Variants in ELP4 observed in about 807,000 individuals in gnomAD.
The protein encoded by ELP4 is elongator acetyltransferase complex subunit 4, also known as elongator complex protein 4.
In ELP4, 51 loss-of-function variants were observed where a neutral mutation model predicts 48.9. The ratio of observed to expected loss-of-function variants is 1.04; its 90% CI spans 0.83 to 1.32. The LOEUF (loss-of-function observed/expected upper bound fraction) is 1.32. Ranked by LOEUF, ELP4 falls within the 40% of genes most tolerant of loss-of-function variation. The pLI, the probability that ELP4 is intolerant of heterozygous loss-of-function variation, is 0.00. For missense variants in ELP4, 519 were observed against 514.6 expected (o/e 1.01, Z -0.08); for synonymous variants, 210 against 189.2 (o/e 1.11, Z -0.90).
At chr11:31,722,583 G>A (rs1223284899) in intron 9 of ELP4, among the ~76,000 whole-genome samples, 1 of 151,254 alleles carries the variant, frequency 6.6e-6, no homozygotes, top group African/African-American at 2.4e-5. Flanking sequence ...TGAAAATGTG[G>A]GTCCTGTGGT....
At chr11:31,737,900 A>G (rs906370793) in intron 9 of ELP4, among the ~76,000 whole-genome samples, 1 of 152,214 alleles carries the variant, frequency 6.6e-6, no homozygotes, top group African/African-American at 2.4e-5. Context: ...AAAAAATTAA[A>G]TAGAATTTAC....
intron 3 of ELP4, among the ~76,000 whole-genome samples, chr11:31,584,472 A>G (rs1189216544): frequency 1.3e-5 from 2 of 152,044 alleles, no homozygotes; most frequent in African/African-American, 4.8e-5. Context: ...AGAACCAAGA[A>G]TGTAAGATAA....
intron 3 of ELP4, among the ~76,000 whole-genome samples, chr11:31,574,604 A>G (rs6484508): frequency 0.39 from 59,146 of 152,090 alleles, 15,076 homozygotes; most frequent in African/African-American, 0.72. Context: ...GAAGGATCAG[A>G]CAGCAACATC....
At chr11:31,655,006 G>T (rs1326680678) in intron 9 of ELP4, among the ~76,000 whole-genome samples, 3 of 151,818 alleles carry the variant, frequency 2.0e-5, no homozygotes, top group Non-Finnish European at 4.4e-5. Flanking sequence ...ACTGCAGCTA[G>T]CAGAAAGAAA....
At chr11:31,514,230 G>A (rs969269838) in intron 1 of ELP4, among the ~76,000 whole-genome samples, 19 of 152,174 alleles carry the variant, frequency 1.2e-4, no homozygotes, top group African/African-American at 4.6e-4. Context: ...AAGCCAAGAT[G>A]GGTGGATTGC....
intron 9 of ELP4, among the ~76,000 whole-genome samples, chr11:31,776,374 C>G (rs567186151): frequency 1.3e-5 from 2 of 152,210 alleles, no homozygotes; most frequent in African/African-American, 4.8e-5. Flanking sequence ...CATAGCACTT[C>G]TGCTCCAGAT....
In ELP4 at chr11:31,603,802, A is replaced by G. The variant is rs771600237; in HGVS notation, c.548A>G (p.Tyr183Cys). 1.1e-5 allele frequency: 17 copies of G among 1,611,042 alleles called. No individual in the cohort carries two copies. The highest frequency in any genetic ancestry group is 1.1e-5 in the South Asian group (1 of 90,814). The change falls in exon 5 of 10, where the codon TAT (tyrosine) becomes TGT (cysteine). Residue 183 changes from tyrosine (Y) to cysteine (C), a missense_variant. Tyr to Cys is a radical substitution (Grantham distance 194). Transcript: ENST00000640961. ...GTATCATCTTCAAGATTTGGTCACTATTATGATGCATCAAAAAGAATGCCA... is the reference window on the plus strand; with the variant it reads ...GTATCATCTTCAAGATTTGGTCACTGTTATGATGCATCAAAAAGAATGCCA... The part of the protein sequence containing the change: ...GPVSSSRFGH[Y>C]YDASKRMPQE...
chr11:31,553,166 TC>T (rs1465412326), intron 3 of ELP4, among the ~76,000 whole-genome samples: 2 of 152,218 alleles, frequency 1.3e-5, no homozygotes, highest in Admixed American at 6.5e-5. Flanking sequence ...TTGTGTTTCT[TC>T]CGTACAAGTC....
At chr11:31,746,441 G>A (rs1947593103) in intron 9 of ELP4, among the ~76,000 whole-genome samples, 1 of 152,120 alleles carries the variant, frequency 6.6e-6, no homozygotes. Context: ...ATGCACACGT[G>A]TGTTTATTGC....
At chr11:31,702,708 T>C (rs1946551797) in intron 9 of ELP4, among the ~76,000 whole-genome samples, 2 of 152,196 alleles carry the variant, frequency 1.3e-5, no homozygotes, top group Non-Finnish European at 2.9e-5. Context: ...TTAGTTTTAC[T>C]GTGTTAGGTG....
chr11:31,545,165 G>T, intron 3 of ELP4, among the ~76,000 whole-genome samples: 1 of 152,172 alleles, frequency 6.6e-6, no homozygotes, highest in Non-Finnish European at 1.5e-5. Flanking sequence ...GAGAGAAGAA[G>T]GCTTCAGACG....
chr11:31,633,793 C>G (rs1468327703), intron 7 of ELP4: 1 of 152,004 alleles, frequency 6.6e-6, no homozygotes, highest in African/African-American at 2.4e-5. Flanking sequence ...TGTGCTGTTA[C>G]TACAACTATT....
intron 5 of ELP4, among the ~76,000 whole-genome samples, chr11:31,608,395 AGAC>A: frequency 6.6e-6 from 1 of 152,206 alleles, no homozygotes; most frequent in East Asian, 1.9e-4. Flanking sequence ...TGGTCTAAGA[AGAC>A]GGCGTGAGCA....
rs1280974724 is a variant in ELP4, at chr11:31,519,983, T to C, written c.224-73T>C. 14 of 1,482,662 alleles carry C rather than the reference T, an allele frequency of 9.4e-6. 1 individual carries two copies. Among genetic ancestry groups the C allele is most frequent in the Non-Finnish European group, 1.3e-5 (14 of 1,075,792 alleles). 91.8% of individuals were successfully genotyped at this position (1,482,662 alleles called of 1,614,324 possible). The stretch of plus-strand genomic sequence containing the variant: ...AAGTTATTGAAGTGCCTTTCCTTCA[T>C]AAAGCCTAACTTTTATGCTAAAGGT... On this transcript the variant is annotated intron_variant, in intron 1 of 9. Coordinates refer to ENST00000640961, the MANE Select transcript of ELP4 (RefSeq NM_019040.5).
intron 3 of ELP4, among the ~76,000 whole-genome samples, chr11:31,545,082 C>T (rs1057436859): frequency 6.6e-6 from 1 of 152,122 alleles, no homozygotes; most frequent in Non-Finnish European, 1.5e-5. Flanking sequence ...CAGAGCACCT[C>T]TCCTCCTCAA....
chr11:31,750,874 T>C (rs1221267051), intron 9 of ELP4, among the ~76,000 whole-genome samples: 1 of 152,224 alleles, frequency 6.6e-6, no homozygotes, highest in African/African-American at 2.4e-5. Flanking sequence ...TATTCATGAT[T>C]CACCTTTCCC....
intron 9 of ELP4, among the ~76,000 whole-genome samples, chr11:31,674,001 A>G (rs1392171017): frequency 2.0e-5 from 3 of 152,236 alleles, no homozygotes; most frequent in Admixed American, 2.0e-4. Flanking sequence ...TTAAGATATA[A>G]CTGGTTATTT....
intron 9 of ELP4, among the ~76,000 whole-genome samples, chr11:31,744,297 G>A (rs1012085199): frequency 4.6e-5 from 7 of 152,118 alleles, no homozygotes; most frequent in Admixed American, 6.5e-5. Context: ...ATTCACAGCC[G>A]AATTCTACCA....
chr11:31,663,601 G>T (rs1945607526), intron 9 of ELP4: 1 of 151,928 alleles, frequency 6.6e-6, no homozygotes, highest in Non-Finnish European at 1.5e-5. Flanking sequence ...CTGTTCATTA[G>T]CCACACTATC....
Sources: allele counts gnomAD v4.1 joint callset (sites outside exome capture counted in the v4.1 genomes callset), GRCh38; gene constraint gnomAD v4.1.1; transcripts MANE v1.5; gene names NCBI Gene and HGNC (gene_info 2026-07-23, HGNC 2026-07-21).